Variants in PTPRB observed in about 807,000 individuals in gnomAD.
PTPRB encodes receptor-type tyrosine-protein phosphatase beta.
A neutral mutation model predicts 238.1 loss-of-function variants in PTPRB; 97 were observed. The observed-to-expected ratio is 0.41, with a 90% CI of 0.35 to 0.48. The LOEUF is 0.48. Ranked by LOEUF, PTPRB falls within the 20% of genes least tolerant of loss-of-function variation. The pLI is 0.30. For missense variants in PTPRB, 2,292 were observed against 2,681.9 expected, an observed-to-expected ratio of 0.85 and a Z score of 3.21; for synonymous variants, 970 against 995.4, an observed-to-expected ratio of 0.97 and a Z score of 0.48.
At chr12:70,565,497 T>G (rs1879172524) in intron 15 of PTPRB, among the ~76,000 whole-genome samples, 2 of 152,208 alleles carry the variant, frequency 1.3e-5, no homozygotes, top group Admixed American at 6.5e-5. Context: ...GTCACTTTTA[T>G]GAAGATGTCT....
chr12:70,635,969 C>A lies in PTPRB; in HGVS notation c.153G>T (p.Gln51His). ...GCTTTTCATCCTCAGTCCACATCCA[C>A]TGCTGGTTCTGGATGGTCCTGTTGC... ...GSCNRTIQNQQWMWTEDEKLL... is the reference protein window; with the variant it reads ...GSCNRTIQNQHWMWTEDEKLL... The change falls in exon 2 of 34, where the codon CAG becomes CAT. Residue 51 changes from glutamine to histidine, a missense_variant. This residue lies in a region of PTPRB where 1,205 missense variants were observed against 1,287.8 expected (regional missense o/e 0.94). Coordinates refer to ENST00000334414, the MANE Select transcript of PTPRB (RefSeq NM_001109754.4). 1 of 1,613,658 alleles carries A rather than the reference C, an allele frequency of 6.2e-7. No individual in the cohort carries two copies. The highest frequency in any genetic ancestry group is 2.2e-5 in the East Asian group (1 of 44,846).
At chr12:70,568,539 C>T (rs1339039646) in intron 14 of PTPRB, among the ~76,000 whole-genome samples, 1 of 152,148 alleles carries the variant, frequency 6.6e-6, no homozygotes, top group Admixed American at 6.5e-5. Flanking sequence ...CCTTGTGATC[C>T]ACCCACCTTG....
chr12:70,609,912 C>T (rs917226157), intron 3 of PTPRB: 9 of 1,174,160 alleles, frequency 7.7e-6, no homozygotes, highest in Non-Finnish European at 1.0e-5. Flanking sequence ...GCGCTCAGCG[C>T]GCCCCGTGGG....
chr12:70,609,372 C>G, intron 3 of PTPRB, 33 bp from the exon 4 acceptor site: 1 of 1,604,354 alleles, frequency 6.2e-7, no homozygotes, highest in Non-Finnish European at 8.5e-7. Context: ...AGTTTAAGTC[C>G]ACAGTCTGGA....
intron 6 of PTPRB, among the ~76,000 whole-genome samples, chr12:70,592,778 T>C (rs1428305093): frequency 6.6e-6 from 1 of 152,252 alleles, no homozygotes; most frequent in East Asian, 1.9e-4. Context: ...ATATGCCTAG[T>C]GGCAAGGCCA....
chr12:70,623,934 G>A (rs1885059477), intron 2 of PTPRB, among the ~76,000 whole-genome samples: 1 of 152,004 alleles, frequency 6.6e-6, no homozygotes, highest in South Asian at 2.1e-4. Flanking sequence ...TAAAGAGGAG[G>A]GCGATGAGGG....
chr12:70,570,531 T>G (rs1489360451), intron 13 of PTPRB, among the ~76,000 whole-genome samples: 2 of 152,054 alleles, frequency 1.3e-5, no homozygotes, highest in African/African-American at 4.8e-5. Flanking sequence ...GTATTTTTTG[T>G]AGAGACAGGG....
chr12:70,614,126 A>G (rs566602511), intron 3 of PTPRB, among the ~76,000 whole-genome samples: 9 of 152,314 alleles, frequency 5.9e-5, no homozygotes, highest in African/African-American at 2.2e-4. Flanking sequence ...CTTGCTAGAA[A>G]TGTAAACTTA....
intron 3 of PTPRB, chr12:70,609,761 C>T (rs1943973907): frequency 1.3e-6 from 2 of 1,580,328 alleles, no homozygotes; most frequent in Non-Finnish European, 1.7e-6. Flanking sequence ...GGCCACTCAC[C>T]TGCAGCAGGC....
At position 70,630,376 on chromosome 12, in the gene PTPRB, C is replaced by T. The variant is rs372059425; in HGVS notation, c.451+5295G>A. ...TTTGACAAAATCCAACAGCCCTTCACGCTAAAAACTCTCAATAAACTAGGT... is the reference window on the plus strand; with the variant it reads ...TTTGACAAAATCCAACAGCCCTTCATGCTAAAAACTCTCAATAAACTAGGT... On this transcript the variant is annotated intron_variant, in intron 2 of 33. Transcript: ENST00000334414. 4.6e-5 allele frequency among the ~76,000 whole-genome samples: 7 copies of T among 152,164 alleles called. No homozygotes were observed. In the South Asian group the frequency reaches 6.2e-4, roughly 14 times the overall value.
chr12:70,571,120 T>C lies in PTPRB; in HGVS notation c.3276A>G (p.Arg1092=). Residue 1092 remains arginine (R), a synonymous_variant, in exon 13 of 34, where the codon CGA becomes CGG. Coordinates refer to ENST00000334414, the MANE Select transcript of PTPRB (RefSeq NM_001109754.4). ...FHLVNTATEY[R]FTSLTPGRQY... is the part of the protein sequence containing the mutation. ...GGCGGCCTGGTGTTAGGGAAGTAAA[T>C]CGATACTCGGTTGCGGTATTTACAA... 1 of 1,613,936 alleles carries C rather than the reference T, an allele frequency of 6.2e-7. No individual in the cohort carries two copies. Among genetic ancestry groups the C allele is most frequent in the Non-Finnish European group, 8.5e-7 (1 of 1,179,872 alleles).
chr12:70,527,050 C>T (rs547380589), intron 32 of PTPRB, among the ~76,000 whole-genome samples: 29 of 152,250 alleles, frequency 1.9e-4, no homozygotes, highest in Middle Eastern at 3.4e-3. Context: ...AATCTCAGAT[C>T]ACAAAAGATA....
chr12:70,612,560 C>T lies in PTPRB; in HGVS notation c.709-3221G>A, dbSNP rs1464684689. Among the ~76,000 whole-genome samples, 15 of 152,194 alleles carry T rather than the reference C, an allele frequency of 9.9e-5. No homozygotes were observed. In the East Asian group the frequency reaches 2.7e-3, roughly 27 times the overall value. On this transcript the variant is annotated intron_variant, in intron 3 of 33. Coordinates refer to ENST00000334414, the MANE Select transcript of PTPRB (RefSeq NM_001109754.4). ...AAATTTGGAATCAGCCACTCTGTAC[C>T]ATTTCAGGGGACAAGCTTTCTTCCT...
At chr12:70,529,918 A>T (rs536661107) in intron 32 of PTPRB, among the ~76,000 whole-genome samples, 1 of 152,154 alleles carries the variant, frequency 6.6e-6, no homozygotes, top group South Asian at 2.1e-4. Flanking sequence ...AGGCCTCTAG[A>T]TCTAACCACC....
At chr12:70,523,071 C>T (rs1458689057) in intron 33 of PTPRB, among the ~76,000 whole-genome samples, 2 of 151,750 alleles carry the variant, frequency 1.3e-5, no homozygotes, top group Non-Finnish European at 1.5e-5. Context: ...TCATGTTGGC[C>T]AGGCTGGTCT....
intron 9 of PTPRB, among the ~76,000 whole-genome samples, chr12:70,583,710 C>T (rs1206665072): frequency 1.3e-5 from 2 of 152,112 alleles, no homozygotes; most frequent in Non-Finnish European, 2.9e-5. Flanking sequence ...ATTTATAAAA[C>T]CCAGGTGATC....
intron 4 of PTPRB, among the ~76,000 whole-genome samples, chr12:70,597,353 C>T (rs1439709448): frequency 6.6e-6 from 1 of 152,210 alleles, no homozygotes; most frequent in Non-Finnish European, 1.5e-5. Flanking sequence ...AGCCAAGGAT[C>T]AGTTTGAGAA....
chr12:70,590,627 G>A (rs1882396918), intron 7 of PTPRB, among the ~76,000 whole-genome samples: 1 of 135,756 alleles, frequency 7.4e-6, no homozygotes, highest in South Asian at 2.3e-4. Flanking sequence ...AAACATTCAA[G>A]GTCTCTCTAT....
intron 4 of PTPRB, among the ~76,000 whole-genome samples, chr12:70,603,182 G>T (rs375208418): frequency 6.6e-6 from 1 of 152,094 alleles, no homozygotes; most frequent in Non-Finnish European, 1.5e-5. Context: ...ACCAATTTCA[G>T]AGAACTGGGC....
Sources: allele counts gnomAD v4.1 joint callset (sites outside exome capture counted in the v4.1 genomes callset), GRCh38; gene constraint gnomAD v4.1.1; regional missense constraint gnomAD v4.1.1; transcripts MANE v1.5; gene names NCBI Gene and HGNC (gene_info 2026-07-23, HGNC 2026-07-21).